SLC25A48: variants seen among roughly 807,000 people sequenced by gnomAD.
SLC25A48 encodes the protein solute carrier family 25 member 48.
SLC25A48 carries 29 observed loss-of-function variants against 32.2 expected under a neutral mutation model. That is an observed-to-expected ratio of 0.90 (90% CI 0.67 to 1.23). SLC25A48 has a LOEUF of 1.23. SLC25A48 is among the 50% of genes most tolerant of loss of function. SLC25A48 has a pLI of 0.00. For synonymous variants in SLC25A48, 164 were observed against 172.3 expected (o/e 0.95, Z 0.38); for missense variants, 399 against 422.7 (o/e 0.94, Z 0.49).
intron 3 of SLC25A48, among the ~76,000 whole-genome samples, chr5:135,764,106 G>A (rs1340662485): frequency 6.6e-6 from 1 of 152,084 alleles, no homozygotes; most frequent in Non-Finnish European, 1.5e-5. Context: ...CGCAAGGGGT[G>A]TACACCCCTC....
intron 3 of SLC25A48, among the ~76,000 whole-genome samples, chr5:135,695,676 C>T (rs1164033880): frequency 6.6e-6 from 1 of 152,242 alleles, no homozygotes; most frequent in African/African-American, 2.4e-5. Flanking sequence ...TTCCTCCCAT[C>T]TCCTGTGCTG....
intron 3 of SLC25A48, chr5:135,649,843 A>C (rs142764353): frequency 2.5e-3 from 390 of 158,584 alleles, no homozygotes; most frequent in South Asian, 9.3e-3. Context: ...AAAGAGGACT[A>C]TGTGTGTACC....
chr5:135,580,727 GA>G (rs1056097759), intron 1 of SLC25A48, among the ~76,000 whole-genome samples: 5 of 151,998 alleles, frequency 3.3e-5, no homozygotes, highest in African/African-American at 1.2e-4. Flanking sequence ...AGAAAAATCA[GA>G]AAACCCAAGC....
intron 3 of SLC25A48, among the ~76,000 whole-genome samples, chr5:135,707,263 A>G (rs967105544): frequency 3.9e-5 from 6 of 152,154 alleles, no homozygotes; most frequent in African/African-American, 1.4e-4. Flanking sequence ...ACCCCATCTG[A>G]TAAGCCAGCT....
At chr5:135,835,402 A>C (rs1758415098) in intron 1 of SLC25A48, among the ~76,000 whole-genome samples, 1 of 152,116 alleles carries the variant, frequency 6.6e-6, no homozygotes, top group Non-Finnish European at 1.5e-5. Context: ...CGCCGGCTGC[A>C]GGTGCCCATT....
At chr5:135,736,430 A>C (rs2126996536) in intron 3 of SLC25A48, among the ~76,000 whole-genome samples, 1 of 152,170 alleles carries the variant, frequency 6.6e-6, no homozygotes, top group Non-Finnish European at 1.5e-5. Context: ...GGAGGTTTTA[A>C]GTTTTTGAGA....
At chr5:135,830,745 C>T (rs1758183331), upstream of SLC25A48, among the ~76,000 whole-genome samples, 1 of 152,212 alleles carries the variant, frequency 6.6e-6, no homozygotes, top group South Asian at 2.1e-4. Flanking sequence ...GGGGCAAACA[C>T]TCAAAGAAGA....
intron 1 of SLC25A48, among the ~76,000 whole-genome samples, chr5:135,615,781 C>T (rs1428035611): frequency 6.6e-6 from 1 of 152,216 alleles, no homozygotes; most frequent in East Asian, 1.9e-4. Flanking sequence ...GGGAAAAAGT[C>T]CCTGAAGGCA....
intron 3 of SLC25A48, among the ~76,000 whole-genome samples, chr5:135,682,092 G>T (rs1248624593): frequency 6.6e-6 from 1 of 152,144 alleles, no homozygotes; most frequent in Non-Finnish European, 1.5e-5. Flanking sequence ...AATCCTAGCT[G>T]CCTTTGCCTC....
At chr5:135,804,692 A>G (rs1438436818) in intron 3 of SLC25A48, among the ~76,000 whole-genome samples, 1 of 151,646 alleles carries the variant, frequency 6.6e-6, no homozygotes, top group Non-Finnish European at 1.5e-5. Flanking sequence ...CAGTGTGTGT[A>G]CAGTCTGTGA....
chr5:135,757,706 A>G (rs1445530591), intron 3 of SLC25A48, among the ~76,000 whole-genome samples: 1 of 149,970 alleles, frequency 6.7e-6, no homozygotes, highest in Non-Finnish European at 1.5e-5. Context: ...AATATCATCT[A>G]GATGATATTT....
chr5:135,787,977 G>T (rs994215997), intron 3 of SLC25A48, among the ~76,000 whole-genome samples: 1 of 151,948 alleles, frequency 6.6e-6, no homozygotes, highest in Non-Finnish European at 1.5e-5. Flanking sequence ...ATATTCTAGG[G>T]TGATGTTACT....
chr5:135,618,048 G>A (rs1478536236), intron 1 of SLC25A48, among the ~76,000 whole-genome samples: 1 of 150,992 alleles, frequency 6.6e-6, no homozygotes, highest in Non-Finnish European at 1.5e-5. Flanking sequence ...ATTGAAGTCT[G>A]TCTATCCCTT....
At chr5:135,841,245 G>C (rs1344588490) in intron 1 of SLC25A48, among the ~76,000 whole-genome samples, 1 of 152,080 alleles carries the variant, frequency 6.6e-6, no homozygotes, top group Non-Finnish European at 1.5e-5. Flanking sequence ...CAAGTCCTTT[G>C]CCCATTAAAA....
chr5:135,689,534 G>A (rs568184663), intron 3 of SLC25A48, among the ~76,000 whole-genome samples: 58 of 152,258 alleles, frequency 3.8e-4, no homozygotes, highest in African/African-American at 1.3e-3. Context: ...AAGTTCAAAT[G>A]CTATATCACA....
chr5:135,595,645 C>A (rs868592887), intron 1 of SLC25A48, among the ~76,000 whole-genome samples: 1 of 152,180 alleles, frequency 6.6e-6, no homozygotes, highest in Non-Finnish European at 1.5e-5. Flanking sequence ...GATGGGCTTG[C>A]GCATACATGC....
Position 135,870,131 on chromosome 5 carries a change from T to C in SLC25A48, c.422-1330T>C, listed in dbSNP as rs879897441. 1.1e-4 allele frequency among the ~76,000 whole-genome samples: 16 copies of C among 152,214 alleles called. 1 individual carries two copies. Among genetic ancestry groups the C allele is most frequent in the Admixed American group, 1.3e-4 (2 of 15,282 alleles). ...TGGGGGACTTGGACATTGACCTATATGATGAAAGCTGTCTGCCTGTTTACC... is the reference window on the plus strand; with the variant it reads ...TGGGGGACTTGGACATTGACCTATACGATGAAAGCTGTCTGCCTGTTTACC... On this transcript the variant is annotated intron_variant, in intron 4 of 7. Transcript: ENST00000681962.
chr5:135,880,072 C>T lies in SLC25A48; in HGVS notation c.918C>T (p.His306=), dbSNP rs1454134694. The stretch of plus-strand genomic sequence containing the variant: ...CGCTGCAGGCTATCCGCGGGGACCA[C>T]GCAGTGACGAGCCCATAAGCGCCAG... ...ELSLQAIRGD[H]AVTSP Residue 306 remains histidine, a synonymous_variant, in exon 7 of 8, where the codon CAC becomes CAT. Transcript: ENST00000681962. 5.9e-6 allele frequency: 9 copies of T among 1,536,026 alleles called. No individual in the cohort carries two copies. The highest frequency in any genetic ancestry group is 2.4e-5 in the East Asian group (1 of 40,910).
chr5:135,705,032 CAAGCA>C (rs916297884), intron 3 of SLC25A48, among the ~76,000 whole-genome samples: 1 of 152,178 alleles, frequency 6.6e-6, no homozygotes, highest in African/African-American at 2.4e-5. Flanking sequence ...ACCTCTTGGC[CAAGCA>C]AAGATGACCT....
Sources: allele counts gnomAD v4.1 joint callset (sites outside exome capture counted in the v4.1 genomes callset), GRCh38; gene constraint gnomAD v4.1.1; transcripts MANE v1.5; gene names NCBI Gene and HGNC (gene_info 2026-07-23, HGNC 2026-07-21).